The following ALPI variants were observed in gnomAD, a reference collection of about 807,000 sequenced individuals.
ALPI encodes intestinal-type alkaline phosphatase.
A neutral mutation model predicts 51.5 loss-of-function variants in ALPI; 50 were observed. The observed-to-expected ratio is 0.97, with a 90% CI of 0.77 to 1.23. The LOEUF (loss-of-function observed/expected upper bound fraction) is 1.23. Ranked by LOEUF, ALPI falls within the 50% of genes most tolerant of loss-of-function variation. The pLI, the probability that ALPI is intolerant of heterozygous loss-of-function variation, is 0.00. For missense variants in ALPI, 692 were observed against 722.4 expected, an observed-to-expected ratio of 0.96 and a Z score of 0.48; for synonymous variants, 322 against 308.2, an observed-to-expected ratio of 1.04 and a Z score of -0.47.
chr2:232,458,194 A>T (rs1553564268), intron 8 of ALPI, 23 bp from the exon 9 acceptor site: 2 of 1,613,432 alleles, frequency 1.2e-6, no homozygotes, highest in South Asian at 1.1e-5. Flanking sequence ...TTCAAGCATC[A>T]CCCCCCTCTG....
Position 232,456,904 on chromosome 2 carries a change from C to A in ALPI, c.306C>A (p.Tyr102Ter), listed in dbSNP as rs1473899671. 6.2e-7 allele frequency: 1 copy of A among 1,613,478 alleles called. No individual in the cohort carries two copies. The highest frequency in any genetic ancestry group is 1.1e-5 in the South Asian group (1 of 91,082). The stretch of plus-strand genomic sequence containing the variant: ...CAGGGTGTCTCCGTTCGCAGACATA[C>A]AATGTGGACAGACAGGTGCCAGACA... ...RFPYLALSKT[Y>*]NVDRQVPDSA... Residue 102 changes from tyrosine (Y) to a stop codon, truncating the protein, a stop_gained, in exon 4 of 11, where the codon TAC becomes TAA. Transcript: ENST00000295463. LOFTEE classifies it high-confidence loss of function. This position sits in a 1 kb window ranked among gnomAD's most constrained non-coding sequence, Gnocchi z 4.2.
chr2:232,460,583 A>G lies in ALPI; in HGVS notation c.*1437A>G, dbSNP rs995663036. On this transcript the variant is annotated 3_prime_UTR_variant, in exon 11 of 11. Coordinates refer to ENST00000295463, the MANE Select transcript of ALPI (RefSeq NM_001631.5). Reference sequence around the variant, plus strand: ...GCTCCAAGAGAACATTGAAAAGAATAAAGGTGAAATCAACCACATTTTCCA... The same window carrying G: ...GCTCCAAGAGAACATTGAAAAGAATGAAGGTGAAATCAACCACATTTTCCA... Among the ~76,000 whole-genome samples the G allele has an allele frequency of 6.6e-6, 1 of 152,364 alleles. No homozygotes were observed. The highest frequency in any genetic ancestry group is 1.9e-4 in the East Asian group (1 of 5,194).
chr2:232,459,465 G>C lies in ALPI; in HGVS notation c.*319G>C. The C allele has an allele frequency of 2.8e-6, 1 of 355,172 alleles. No individual in the cohort carries two copies. Among genetic ancestry groups the C allele is most frequent in the Non-Finnish European group, 5.2e-6 (1 of 193,030 alleles). The allele number at this position is 355,172 out of a possible 1,614,324, so 22.0% of individuals were successfully genotyped here. ...GCTGCCTGCACCCCAGACAATAAAG[G>C]GACCAAAACCACCCAACCCCCACCC... is the stretch of plus-strand genomic sequence containing the variant. On this transcript the variant is annotated 3_prime_UTR_variant, in exon 11 of 11. Transcript: ENST00000295463.
chr2:232,458,985 T>C lies in ALPI; in HGVS notation c.1426T>C (p.Phe476Leu). The C allele has an allele frequency of 6.3e-7, 1 of 1,584,630 alleles. No homozygotes were observed. Among genetic ancestry groups the C allele is most frequent in the Non-Finnish European group, 8.6e-7 (1 of 1,165,956 alleles). ...GGTGCATGGTGTGCAGGAGCAGAGC[T>C]TCGTAGCGCATGTCATGGCCTTCGC... ...HLVHGVQEQS[F>L]VAHVMAFAAC... Residue 476 changes from phenylalanine (F) to leucine (L), a missense_variant, in exon 11 of 11, where the codon TTC becomes CTC. By Grantham distance (22) the Phe-to-Leu change is conservative (BLOSUM62 0). Transcript: ENST00000295463.
At position 232,456,775 on chromosome 2, in the gene ALPI, C is replaced by A; in HGVS notation, c.300+80C>A. On this transcript the variant is annotated intron_variant, in intron 3 of 10. Coordinates refer to ENST00000295463, the MANE Select transcript of ALPI (RefSeq NM_001631.5). This position sits in a 1 kb window ranked among gnomAD's most constrained non-coding sequence, Gnocchi z 4.2. ...TGGAGTGTGGCAGGAGGGAGGGAGC[C>A]AGGACAGCTGGGGCCTAAGTTAGGA... 1 of 1,543,702 alleles carries A rather than the reference C, an allele frequency of 6.5e-7. No homozygotes were observed. The highest frequency in any genetic ancestry group is 2.4e-5 in the East Asian group (1 of 42,270).
rs1384175510 is a variant in ALPI at position 232,456,876 on chromosome 2, GC to G, written c.301-22del. On this transcript the variant is annotated intron_variant, in intron 3 of 10. Coordinates refer to ENST00000295463, the MANE Select transcript of ALPI (RefSeq NM_001631.5). The surrounding 1 kb of genome is among the most constrained non-coding windows in gnomAD (Gnocchi z 4.2). ...GTCTGGGTGTCCGCCCCGAAGTAGA[GC>G]TCAGGGTGTCTCCGTTCGCAGACAT... 6.2e-7 allele frequency: 1 copy of G among 1,612,728 alleles called. No individual in the cohort carries two copies. Among genetic ancestry groups the G allele is most frequent in the Admixed American group, 1.7e-5 (1 of 59,988 alleles).
At chr2:232,458,823 G>A (rs746903330) in intron 10 of ALPI, 37 bp from the exon 11 acceptor site, 1 of 1,605,746 alleles carries the variant, frequency 6.2e-7, no homozygotes, top group Non-Finnish European at 8.5e-7. Context: ...GGGGGACGCC[G>A]CCTGCCTGCC....
Position 232,457,930 on chromosome 2 carries a change from G to A in ALPI, c.856+63G>A. ...ACCTCAGAGGGTGCCATCCGAGCCT[G>A]TGTGCCCATTTGCCAGCACCCTCCC... On this transcript the variant is annotated intron_variant, in intron 7 of 10. Coordinates refer to ENST00000295463, the MANE Select transcript of ALPI (RefSeq NM_001631.5). The surrounding 1 kb of genome is among the most constrained non-coding windows in gnomAD (Gnocchi z 4.7). 4.3e-6 allele frequency: 7 copies of A among 1,612,180 alleles called. No individual in the cohort carries two copies. The highest frequency in any genetic ancestry group is 5.9e-6 in the Non-Finnish European group (7 of 1,178,864).
Position 232,457,176 on chromosome 2 carries a change from A to G in ALPI, c.502A>G (p.Thr168Ala). ...AGKSVGVVTTTRVQHASPAGT... is the reference protein window; with the variant it reads ...AGKSVGVVTTARVQHASPAGT... ...AAAGTCAGTAGGAGTGGTGACCACCACACGGGTGCAGCACGCCTCGCCAGC... is the reference window on the plus strand; with the variant it reads ...AAAGTCAGTAGGAGTGGTGACCACCGCACGGGTGCAGCACGCCTCGCCAGC... Residue 168 changes from threonine to alanine, a missense_variant, in exon 5 of 11, where the codon ACA becomes GCA. Thr to Ala is a moderately conservative substitution (Grantham distance 58). Coordinates refer to ENST00000295463, the MANE Select transcript of ALPI (RefSeq NM_001631.5). This position sits in a 1 kb window ranked among gnomAD's most constrained non-coding sequence, Gnocchi z 4.7. 1 of 1,613,476 alleles carries G rather than the reference A, an allele frequency of 6.2e-7. No individual in the cohort carries two copies. The highest frequency in any genetic ancestry group is 8.5e-7 in the Non-Finnish European group (1 of 1,180,020).
Position 232,456,890 on chromosome 2 carries a change from C to T in ALPI, c.301-9C>T, listed in dbSNP as rs770082201. 1.1e-5 allele frequency: 18 copies of T among 1,613,040 alleles called. No homozygotes were observed. The highest frequency in any genetic ancestry group is 2.7e-5 in the African/African-American group (2 of 74,912). On this transcript the variant is annotated splice_polypyrimidine_tract_variant and intron_variant, in intron 3 of 10. Transcript: ENST00000295463. The surrounding 1 kb of genome is among the most constrained non-coding windows in gnomAD (Gnocchi z 4.2). ...CCCGAAGTAGAGCTCAGGGTGTCTC[C>T]GTTCGCAGACATACAATGTGGACAG...
In ALPI at chr2:232,457,349, G is replaced by A. The variant is rs202215417; in HGVS notation, c.648+27G>A. On this transcript the variant is annotated intron_variant, in intron 5 of 10. Coordinates refer to ENST00000295463, the MANE Select transcript of ALPI (RefSeq NM_001631.5). The surrounding 1 kb of genome is among the most constrained non-coding windows in gnomAD (Gnocchi z 4.7). ...TGCGACCCCCGGGCCAAGGGCTGGG[G>A]CTGGGCAGAGGGGAAGGTGGCACAG... The A allele has an allele frequency of 1.3e-6, 2 of 1,582,512 alleles. No individual in the cohort carries two copies. The highest frequency in any genetic ancestry group is 2.2e-5 in the East Asian group (1 of 44,748).
chr2:232,459,439 G>A lies in ALPI; in HGVS notation c.*293G>A, dbSNP rs1460934492. ...CAGAGACTGCAGATTTGTGCCATGC[G>A]GCTGCCTGCACCCCAGACAATAAAG... On this transcript the variant is annotated 3_prime_UTR_variant, in exon 11 of 11. Coordinates refer to ENST00000295463, the MANE Select transcript of ALPI (RefSeq NM_001631.5). 4.7e-6 allele frequency: 2 copies of A among 428,992 alleles called. No homozygotes were observed. Among genetic ancestry groups the A allele is most frequent in the South Asian group, 3.0e-5 (1 of 33,058 alleles). The allele number at this position is 428,992 out of a possible 1,614,324, so 26.6% of individuals were successfully genotyped here.
chr2:232,456,378 C>T lies in ALPI; in HGVS notation c.97C>T (p.Arg33Cys), dbSNP rs764209297. 26 of 1,614,012 alleles carry T rather than the reference C, an allele frequency of 1.6e-5. No individual in the cohort carries two copies. The Middle Eastern group carries it at 4.9e-4, about 31-fold the overall frequency. Residue 33 changes from arginine to cysteine, a missense_variant, in exon 2 of 11, where the codon CGC (arginine) becomes TGC (cysteine). Coordinates refer to ENST00000295463, the MANE Select transcript of ALPI (RefSeq NM_001631.5). The surrounding 1 kb of genome is among the most constrained non-coding windows in gnomAD (Gnocchi z 4.2). ...AEEENPAFWN[R>C]QAAEALDAAK... The stretch of plus-strand genomic sequence containing the variant: ...GGAGGAGAACCCGGCCTTCTGGAAC[C>T]GCCAGGCAGCTGAGGCCCTGGATGC...
rs148744505 is a variant in ALPI, at chr2:232,456,961, G to T, written c.363G>T (p.Gly121=). The T allele has an allele frequency of 7.7e-5, 124 of 1,613,650 alleles. No individual in the cohort carries two copies. Among genetic ancestry groups the T allele is most frequent in the Non-Finnish European group, 2.4e-5 (28 of 1,180,040 alleles). The change falls in exon 4 of 11, where the codon GGG becomes GGT. Residue 121 remains glycine (G), a synonymous_variant. Transcript: ENST00000295463. This position sits in a 1 kb window ranked among gnomAD's most constrained non-coding sequence, Gnocchi z 4.2. ...SAATATAYLC[G]VKANFQTIGL... is the part of the protein sequence containing the mutation. ...CCACAGCCACGGCCTACCTGTGCGG[G>T]GTCAAGGCCAACTTCCAGACCATCG... is the stretch of plus-strand genomic sequence containing the variant.
Position 232,456,596 on chromosome 2 carries a change from G to A in ALPI, c.201G>A (p.Thr67=), listed in dbSNP as rs752381527. 17 of 1,612,858 alleles carry A rather than the reference G, an allele frequency of 1.1e-5. No individual in the cohort carries two copies. The Admixed American group carries it at 1.2e-4, about 11-fold the overall frequency. ...CTCCTTCAGGGTTGGGGGTGCCCACGGTGACAGCCACCAGGATCCTAAAGG... is the reference window on the plus strand; with the variant it reads ...CTCCTTCAGGGTTGGGGGTGCCCACAGTGACAGCCACCAGGATCCTAAAGG... The part of the protein sequence containing the change: ...LFLGDGLGVP[T]VTATRILKGQ... The change falls in exon 3 of 11, where the codon ACG becomes ACA. Residue 67 remains threonine, a synonymous_variant. Coordinates refer to ENST00000295463, the MANE Select transcript of ALPI (RefSeq NM_001631.5). The surrounding 1 kb of genome is among the most constrained non-coding windows in gnomAD (Gnocchi z 4.2).
In ALPI at chr2:232,457,977, A is replaced by C. The variant is rs1187970880; in HGVS notation, c.857-21A>C. 8.7e-6 allele frequency: 14 copies of C among 1,612,758 alleles called. No homozygotes were observed. The highest frequency in any genetic ancestry group is 5.0e-5 in the Admixed American group (3 of 59,934). On this transcript the variant is annotated intron_variant, in intron 7 of 10. Transcript: ENST00000295463. The surrounding 1 kb of genome is among the most constrained non-coding windows in gnomAD (Gnocchi z 4.7). ...TCCCGCTCACAGCCTGCCAATCACC[A>C]CCAAGCTCCTTGTCCCACAGGCCTC...
In ALPI at chr2:232,458,213, G is replaced by C. The variant is rs763228020; in HGVS notation, c.992-4G>C. The stretch of plus-strand genomic sequence containing the variant: ...AGCATCACCCCCCTCTGGCCTTCCT[G>C]CAGGCGGCCGCATCGACCATGGTCA... On this transcript the variant is annotated splice_region_variant and splice_polypyrimidine_tract_variant and intron_variant, in intron 8 of 10. Transcript: ENST00000295463. The C allele has an allele frequency of 2.5e-6, 4 of 1,613,910 alleles. No individual in the cohort carries two copies. The highest frequency in any genetic ancestry group is 1.3e-5 in the African/African-American group (1 of 74,930).
rs1296483295 is a variant in ALPI, at chr2:232,456,168, C to A, written c.-32C>A. On this transcript the variant is annotated 5_prime_UTR_variant, in exon 1 of 11. Transcript: ENST00000295463. This position sits in a 1 kb window ranked among gnomAD's most constrained non-coding sequence, Gnocchi z 4.2. Reference sequence around the variant, plus strand: ...GCGCTGCAGCCGGTTCCTGGTGTCCCCACTTCGCCTCCCTCCTGCTGCCCC... The same window carrying A: ...GCGCTGCAGCCGGTTCCTGGTGTCCACACTTCGCCTCCCTCCTGCTGCCCC... The A allele has an allele frequency of 6.2e-7, 1 of 1,611,442 alleles. No homozygotes were observed. The highest frequency in any genetic ancestry group is 8.5e-7 in the Non-Finnish European group (1 of 1,179,544).
rs1351937851 is a variant in ALPI at position 232,457,553 on chromosome 2, C to T, written c.649-12C>T. On this transcript the variant is annotated splice_polypyrimidine_tract_variant and intron_variant, in intron 5 of 10. Transcript: ENST00000295463. The surrounding 1 kb of genome is among the most constrained non-coding windows in gnomAD (Gnocchi z 4.7). The stretch of plus-strand genomic sequence containing the variant: ...AGGCCCCCAAACCACCTGCCCCATC[C>T]ATTGTCCTCAGGTGATCCTTGGCGG... 1 of 1,598,346 alleles carries T rather than the reference C, an allele frequency of 6.3e-7. No homozygotes were observed. The highest frequency in any genetic ancestry group is 1.1e-5 in the South Asian group (1 of 88,072).
Sources: allele counts gnomAD v4.1 joint callset (sites outside exome capture counted in the v4.1 genomes callset), GRCh38; gene constraint gnomAD v4.1.1; non-coding constraint Gnocchi (gnomAD v3.1); transcripts MANE v1.5; gene names NCBI Gene and HGNC (gene_info 2026-07-23, HGNC 2026-07-21).